Variants in GAREM1 observed in about 807,000 individuals in gnomAD.
The protein encoded by GAREM1 is GRB2-associated and regulator of MAPK protein 1.
A neutral mutation model predicts 71.3 loss-of-function variants in GAREM1; 26 were observed. The ratio of observed to expected loss-of-function variants is 0.36; its 90% CI spans 0.27 to 0.51. The LOEUF (loss-of-function observed/expected upper bound fraction) is 0.51. GAREM1 is among the 20% of genes least tolerant of loss of function. The pLI, the probability that GAREM1 is intolerant of heterozygous loss-of-function variation, is 0.95. For synonymous variants in GAREM1, 440 were observed against 433.2 expected (o/e 1.02, Z -0.20); for missense variants, 1,026 against 1,103.1 (o/e 0.93, Z 0.99).
At chr18:32,292,124 C>T (rs1036620964) in intron 3 of GAREM1, among the ~76,000 whole-genome samples, 1 of 152,182 alleles carries the variant, frequency 6.6e-6, no homozygotes, top group African/African-American at 2.4e-5. Context: ...TAAAAGCATT[C>T]CTATTTCTCC....
intron 2 of GAREM1, among the ~76,000 whole-genome samples, chr18:32,352,936 A>G (rs1010337172): frequency 2.0e-5 from 3 of 152,192 alleles, no homozygotes; most frequent in African/African-American, 7.2e-5. Context: ...TAAACAGATA[A>G]CACAACAGAC....
intron 1 of GAREM1, among the ~76,000 whole-genome samples, chr18:32,439,747 G>A (rs561321895): frequency 9.9e-5 from 15 of 151,886 alleles, no homozygotes; most frequent in Non-Finnish European, 1.9e-4. Flanking sequence ...GGGCAATGTT[G>A]GGTACTGAGC....
At chr18:32,359,929 A>AAC (rs1376824297) in intron 2 of GAREM1, among the ~76,000 whole-genome samples, 2 of 145,350 alleles carry the variant, frequency 1.4e-5, no homozygotes, top group African/African-American at 5.4e-5. Context: ...CTGTCTCTTA[A>AAC]ATATAAATAA....
chr18:32,373,538 A>AG (rs1278955574), intron 2 of GAREM1, among the ~76,000 whole-genome samples: 2 of 152,234 alleles, frequency 1.3e-5, no homozygotes, highest in African/African-American at 4.8e-5. Context: ...GACTCTGACA[A>AG]GAAATAGTGA....
intron 1 of GAREM1, among the ~76,000 whole-genome samples, chr18:32,425,851 C>T (rs1040903232): frequency 1.3e-5 from 2 of 152,134 alleles, no homozygotes; most frequent in African/African-American, 4.8e-5. Flanking sequence ...CTTTTCTTGA[C>T]AATTTTTTGC....
At chr18:32,389,239 C>T (rs972939217) in intron 2 of GAREM1, among the ~76,000 whole-genome samples, 5 of 152,122 alleles carry the variant, frequency 3.3e-5, no homozygotes, top group Admixed American at 1.3e-4. Flanking sequence ...CAGTATTCAA[C>T]TAGCTTGAAT....
At chr18:32,293,436 C>T (rs1411186514) in intron 3 of GAREM1, among the ~76,000 whole-genome samples, 1 of 152,070 alleles carries the variant, frequency 6.6e-6, no homozygotes, top group Non-Finnish European at 1.5e-5. Flanking sequence ...ACAATAAAGA[C>T]CACGATGAAT....
At chr18:32,338,546 GA>G (rs2047618819) in intron 2 of GAREM1, among the ~76,000 whole-genome samples, 1 of 152,082 alleles carries the variant, frequency 6.6e-6, no homozygotes, top group African/African-American at 2.4e-5. Context: ...GAGACAAAAT[GA>G]AAAAACCATG....
chr18:32,354,465 A>G (rs1037450074), intron 2 of GAREM1, among the ~76,000 whole-genome samples: 1 of 152,198 alleles, frequency 6.6e-6, no homozygotes, highest in African/African-American at 2.4e-5. Flanking sequence ...GTCCAAAATT[A>G]ACTCCAAATG....
At chr18:32,307,711 T>C (rs533817027) in intron 3 of GAREM1, among the ~76,000 whole-genome samples, 10 of 152,130 alleles carry the variant, frequency 6.6e-5, no homozygotes, top group African/African-American at 2.4e-4. Context: ...TTAGTAGAGA[T>C]GGGGTTTCAC....
chr18:32,279,760 G>A (rs1010915990), intron 4 of GAREM1, among the ~76,000 whole-genome samples: 1 of 152,094 alleles, frequency 6.6e-6, no homozygotes, highest in Non-Finnish European at 1.5e-5. Flanking sequence ...ACTGGTCCCT[G>A]GTGCCAAAAA....
intron 3 of GAREM1, among the ~76,000 whole-genome samples, chr18:32,293,716 C>G (rs941451324): frequency 6.6e-6 from 1 of 152,008 alleles, no homozygotes; most frequent in African/African-American, 2.4e-5. Context: ...TTATTCACTG[C>G]AAGAGGAAAA....
At chr18:32,457,361 A>G (rs1027109275) in intron 1 of GAREM1, among the ~76,000 whole-genome samples, 1 of 151,936 alleles carries the variant, frequency 6.6e-6, no homozygotes, top group African/African-American at 2.4e-5. Context: ...TTCATAATAT[A>G]TATGTTTATA....
intron 2 of GAREM1, among the ~76,000 whole-genome samples, chr18:32,328,825 T>TAC: frequency 6.6e-6 from 1 of 152,170 alleles, no homozygotes; most frequent in Non-Finnish European, 1.5e-5. Context: ...AGATTAAGGA[T>TAC]TTTCTGTTCA....
intron 1 of GAREM1, among the ~76,000 whole-genome samples, chr18:32,429,720 C>T (rs1416971483): frequency 6.6e-6 from 1 of 152,312 alleles, no homozygotes; most frequent in Middle Eastern, 3.4e-3. Flanking sequence ...ATAAAAGACA[C>T]TTCACTCCTC....
At chr18:32,291,954 A>C (rs2047092460) in intron 3 of GAREM1, among the ~76,000 whole-genome samples, 1 of 152,174 alleles carries the variant, frequency 6.6e-6, no homozygotes, top group Admixed American at 6.5e-5. Flanking sequence ...ATAAATATAC[A>C]TGTGCATCTG....
intron 1 of GAREM1, among the ~76,000 whole-genome samples, chr18:32,438,739 C>G (rs775674162): frequency 1.3e-5 from 2 of 152,158 alleles, no homozygotes; most frequent in Non-Finnish European, 2.9e-5. Flanking sequence ...AAAATGAAAT[C>G]TATAATAACA....
chr18:32,438,094 T>TC (rs1482652371), intron 1 of GAREM1, among the ~76,000 whole-genome samples: 3 of 152,164 alleles, frequency 2.0e-5, no homozygotes, highest in Non-Finnish European at 4.4e-5. Flanking sequence ...ACATGTACCT[T>TC]CCCCCATTTC....
At chr18:32,275,927 G>C (rs765061596) in intron 4 of GAREM1, among the ~76,000 whole-genome samples, 3 of 152,238 alleles carry the variant, frequency 2.0e-5, no homozygotes, top group Admixed American at 6.5e-5. Context: ...CGCCCGCCTC[G>C]GCCTCCCAAA....
Sources: gnomAD v4.1 joint callset for allele counts (sites outside exome capture counted in the v4.1 genomes callset) on GRCh38, gnomAD v4.1.1 for gene constraint, MANE v1.5 for transcripts, NCBI Gene and HGNC (gene_info 2026-07-23, HGNC 2026-07-21) for gene names.